Variants in AUTS2 observed in about 807,000 individuals in gnomAD.
The protein encoded by AUTS2 is activator of transcription and developmental regulator AUTS2.
A neutral mutation model predicts 112.4 loss-of-function variants in AUTS2; 17 were observed. The ratio of observed to expected loss-of-function variants is 0.15; its 90% CI spans 0.10 to 0.23. The LOEUF (loss-of-function observed/expected upper bound fraction) is 0.23. Ranked by LOEUF, AUTS2 falls within the 10% of genes least tolerant of loss-of-function variation. The pLI, the probability that AUTS2 is intolerant of heterozygous loss-of-function variation, is 1.00. For missense variants in AUTS2, 1,510 were observed against 1,701.6 expected, an observed-to-expected ratio of 0.89 and a Z score of 1.98; for synonymous variants, 751 against 702.7, an observed-to-expected ratio of 1.07 and a Z score of -1.09.
intron 2 of AUTS2, among the ~76,000 whole-genome samples, chr7:69,925,037 T>G (rs1158542283): frequency 6.6e-6 from 1 of 152,226 alleles, no homozygotes; most frequent in Non-Finnish European, 1.5e-5. Flanking sequence ...ATTTTTTCAT[T>G]TTATCAAAGT....
intron 4 of AUTS2, among the ~76,000 whole-genome samples, chr7:70,313,900 T>A (rs1585007147): frequency 6.6e-6 from 1 of 152,084 alleles, no homozygotes; most frequent in Non-Finnish European, 1.5e-5. Flanking sequence ...AGCAGAGGGG[T>A]AACGCTCTCA....
chr7:69,789,991 A>G (rs1789544889), intron 1 of AUTS2, among the ~76,000 whole-genome samples: 1 of 152,106 alleles, frequency 6.6e-6, no homozygotes, highest in Non-Finnish European at 1.5e-5. Flanking sequence ...TTGAAACATC[A>G]GAGAATTGGC....
chr7:69,717,895 A>G (rs1211274758), intron 1 of AUTS2, among the ~76,000 whole-genome samples: 1 of 152,166 alleles, frequency 6.6e-6, no homozygotes, highest in African/African-American at 2.4e-5. Context: ...TTATTAAGAG[A>G]TAAGACCATT....
intron 5 of AUTS2, among the ~76,000 whole-genome samples, chr7:70,512,921 G>A (rs1047643503): frequency 4.6e-5 from 7 of 151,794 alleles, no homozygotes; most frequent in Non-Finnish European, 7.4e-5. Flanking sequence ...ACAAGTGAGC[G>A]TGGCAGGGAT....
chr7:69,702,794 T>C (rs1231328119), intron 1 of AUTS2, among the ~76,000 whole-genome samples: 1 of 152,216 alleles, frequency 6.6e-6, no homozygotes, highest in African/African-American at 2.4e-5. Flanking sequence ...TTGGTCTGCA[T>C]GTTCAATGTT....
chr7:70,760,453 G>A (rs1312130310), intron 6 of AUTS2, among the ~76,000 whole-genome samples: 1 of 152,172 alleles, frequency 6.6e-6, no homozygotes, highest in Non-Finnish European at 1.5e-5. Flanking sequence ...TAGGATTTCT[G>A]GGCTGTTCTT....
intron 5 of AUTS2, among the ~76,000 whole-genome samples, chr7:70,652,536 T>A (rs1267710137): frequency 1.3e-5 from 2 of 152,176 alleles, no homozygotes; most frequent in Admixed American, 6.5e-5. Context: ...GAGAGAGACA[T>A]CCCCAGTTGG....
intron 1 of AUTS2, among the ~76,000 whole-genome samples, chr7:69,667,407 G>A (rs1252597929): frequency 6.8e-6 from 1 of 147,118 alleles, no homozygotes; most frequent in Non-Finnish European, 1.5e-5. Flanking sequence ...AGGCTGGAGT[G>A]CAGTGAGATG....
chr7:70,226,489 G>A (rs1811773694), intron 4 of AUTS2, among the ~76,000 whole-genome samples: 1 of 151,694 alleles, frequency 6.6e-6, no homozygotes, highest in Admixed American at 6.6e-5. Flanking sequence ...AGAGTCGTGA[G>A]CCACCATACC....
At chr7:70,671,324 A>G (rs1358839255) in intron 5 of AUTS2, among the ~76,000 whole-genome samples, 1 of 152,222 alleles carries the variant, frequency 6.6e-6, no homozygotes, top group Non-Finnish European at 1.5e-5. Context: ...AATGACTTAG[A>G]TTTGATGCTT....
At chr7:70,479,774 T>G (rs1262582325) in intron 5 of AUTS2, among the ~76,000 whole-genome samples, 5 of 152,052 alleles carry the variant, frequency 3.3e-5, no homozygotes, top group African/African-American at 1.2e-4. Flanking sequence ...AAGATGGGGG[T>G]TTGAGTCCCC....
intron 1 of AUTS2, among the ~76,000 whole-genome samples, chr7:69,605,680 G>T (rs2851486): frequency 0.85 from 129,231 of 152,258 alleles, 55,091 homozygotes; most frequent in African/African-American, 0.93. Context: ...GGTCAGAACC[G>T]CTCTTTTGCT....
At chr7:70,657,039 G>A (rs1482708943) in intron 5 of AUTS2, among the ~76,000 whole-genome samples, 1 of 152,160 alleles carries the variant, frequency 6.6e-6, no homozygotes, top group Non-Finnish European at 1.5e-5. Flanking sequence ...GACTTCTCAG[G>A]TGCTTCATTA....
intron 1 of AUTS2, among the ~76,000 whole-genome samples, chr7:69,747,789 G>A (rs1234013831): frequency 6.7e-6 from 1 of 149,852 alleles, no homozygotes; most frequent in Admixed American, 6.7e-5. Context: ...AGAGGGGTGT[G>A]TGTGTGTGTG....
intron 17 of AUTS2, among the ~76,000 whole-genome samples, chr7:70,786,716 G>A (rs781366690): frequency 8.5e-5 from 13 of 152,150 alleles, no homozygotes; most frequent in Non-Finnish European, 1.8e-4. Flanking sequence ...TCACAGGTCG[G>A]TCTTTATTTA....
rs1056364429 is a variant in AUTS2 at position 70,632,339 on chromosome 7, G to A, written c.691-66230G>A. Among the ~76,000 whole-genome samples the A allele has an allele frequency of 3.3e-5, 5 of 152,122 alleles. No homozygotes were observed. In the East Asian group the frequency reaches 5.8e-4, roughly 18 times the overall value. On this transcript the variant is annotated intron_variant, in intron 5 of 18. Transcript: ENST00000342771. The stretch of plus-strand genomic sequence containing the variant: ...TTCGGTTTCCTCTAGGTCCAGAACC[G>A]TGGGCTGAGATTTCACAAAGGAGAA...
intron 1 of AUTS2, among the ~76,000 whole-genome samples, chr7:69,680,379 AG>A (rs1306088435): frequency 2.6e-5 from 4 of 152,222 alleles, no homozygotes; most frequent in African/African-American, 9.6e-5. Flanking sequence ...AGTTGTCCCT[AG>A]GCCTGTCTTT....
intron 2 of AUTS2, among the ~76,000 whole-genome samples, chr7:70,038,863 A>G (rs778713457): frequency 5.9e-5 from 9 of 152,066 alleles, no homozygotes; most frequent in Middle Eastern, 6.8e-3. Context: ...GGTTCAAACA[A>G]TTCTCCTGTC....
At chr7:70,332,610 C>T (rs979651141) in intron 4 of AUTS2, among the ~76,000 whole-genome samples, 4 of 152,108 alleles carry the variant, frequency 2.6e-5, no homozygotes, top group Non-Finnish European at 5.9e-5. Flanking sequence ...GGTACCAAAA[C>T]GTAGATATAG....
Sources: allele counts gnomAD v4.1 joint callset (sites outside exome capture counted in the v4.1 genomes callset), GRCh38; gene constraint gnomAD v4.1.1; transcripts MANE v1.5; gene names NCBI Gene and HGNC (gene_info 2026-07-23, HGNC 2026-07-21).